The following MYOM2 variants were observed in gnomAD, a reference collection of about 807,000 sequenced individuals.
The protein encoded by MYOM2 is myomesin-2.
In MYOM2, 254 loss-of-function variants were observed where a neutral mutation model predicts 187.6. The observed-to-expected ratio is 1.35, with a 90% CI of 1.22 to 1.50. The LOEUF (loss-of-function observed/expected upper bound fraction) is 1.50, where lower values mean the gene tolerates loss of function less well. MYOM2 is among the 40% of genes most tolerant of loss of function. The probability of loss-of-function intolerance (pLI) is 0.00; values close to 1 mark genes in which losing one functional copy is unlikely to be tolerated. For synonymous variants in MYOM2, 981 were observed against 753.8 expected (o/e 1.30, Z -4.94); for missense variants, 2,796 against 1,924.0 (o/e 1.45, Z -8.48).
rs1310400295 is a variant in MYOM2 at position 2,057,768 on chromosome 8, C to T, written c.548C>T (p.Pro183Leu). 6 of 1,613,928 alleles carry T rather than the reference C, an allele frequency of 3.7e-6. No individual in the cohort carries two copies. The highest frequency in any genetic ancestry group is 5.1e-6 in the Non-Finnish European group (6 of 1,179,996). Reference protein sequence around the residue: ...LCFTVQGFPTPVVQWYKDGSL... With the variant: ...LCFTVQGFPTLVVQWYKDGSL... ...TTCACCGTGCAAGGATTTCCCACGC[C>T]CGTGGTGCAGTGGTGAGGGGCTCTG... Residue 183 changes from proline to leucine, a missense_variant, in exon 5 of 37, where the codon CCC becomes CTC. Pro to Leu is a moderately conservative substitution (Grantham distance 98, BLOSUM62 -3). Coordinates refer to ENST00000262113, the MANE Select transcript of MYOM2 (RefSeq NM_003970.4).
In MYOM2 at chr8:2,057,432, C is replaced by G. The variant is rs1398263195; in HGVS notation, c.348C>G (p.His116Gln). 5 of 1,613,906 alleles carry G rather than the reference C, an allele frequency of 3.1e-6. No individual in the cohort carries two copies. The highest frequency in any genetic ancestry group is 4.2e-6 in the Non-Finnish European group (5 of 1,180,000). The change falls in exon 4 of 37, where the codon CAC becomes CAG. Residue 116 changes from histidine (H) to glutamine (Q), a missense_variant. By Grantham distance (24) the His-to-Gln change is conservative. Transcript: ENST00000262113. Reference sequence around the variant, plus strand: ...TGGCCCACTTGGAGGAGGATGTCCACCTGGCACGCTCCCAGGCCCGCGACA... The same window carrying G: ...TGGCCCACTTGGAGGAGGATGTCCAGCTGGCACGCTCCCAGGCCCGCGACA... ...SELAHLEEDV[H>Q]LARSQARDKL...
intron 6 of MYOM2, among the ~76,000 whole-genome samples, chr8:2,060,270 C>A (rs772097916): frequency 1.3e-5 from 2 of 152,126 alleles, no homozygotes; most frequent in African/African-American, 4.8e-5. Flanking sequence ...GCCAGAAGGC[C>A]ACATTTACCA....
In MYOM2 at chr8:2,076,223, G is replaced by A; in HGVS notation, c.1203G>A (p.Val401=). Residue 401 remains valine, a synonymous_variant, in exon 11 of 37, where the codon GTG becomes GTA. Transcript: ENST00000262113. ...CHDANRDYVI[V]TWKPPNTTTE... ...ACGCCAACCGGGACTACGTCATCGTGACCTGGAAGCCGCCCAACACCACCA... is the reference window on the plus strand; with the variant it reads ...ACGCCAACCGGGACTACGTCATCGTAACCTGGAAGCCGCCCAACACCACCA... The A allele has an allele frequency of 6.2e-7, 1 of 1,613,662 alleles. No individual in the cohort carries two copies. Among genetic ancestry groups the A allele is most frequent in the African/African-American group, 1.3e-5 (1 of 75,040 alleles).
intron 35 of MYOM2, among the ~76,000 whole-genome samples, chr8:2,143,192 C>T (rs1798337314): frequency 6.6e-6 from 1 of 152,188 alleles, no homozygotes; most frequent in Non-Finnish European, 1.5e-5. Flanking sequence ...AACCCCTTCA[C>T]AGAGTCTGTT....
intron 6 of MYOM2, among the ~76,000 whole-genome samples, chr8:2,065,807 G>A (rs990935097): frequency 6.6e-6 from 1 of 152,244 alleles, no homozygotes; most frequent in African/African-American, 2.4e-5. Flanking sequence ...CATGAGTTAA[G>A]TGGCTGCGTA....
chr8:2,091,647 G>A (rs1796307060), intron 15 of MYOM2, among the ~76,000 whole-genome samples: 1 of 152,212 alleles, frequency 6.6e-6, no homozygotes, highest in South Asian at 2.1e-4. Flanking sequence ...GCATCCTCAA[G>A]TTTCTATCTG....
intron 1 of MYOM2, among the ~76,000 whole-genome samples, chr8:2,050,347 C>T (rs989843335): frequency 7.2e-5 from 11 of 152,184 alleles, no homozygotes; most frequent in African/African-American, 1.2e-4. Context: ...CTACCTGCCC[C>T]GGGCTCTTGG....
intron 25 of MYOM2, among the ~76,000 whole-genome samples, chr8:2,114,445 G>C (rs193202960): frequency 5.9e-5 from 9 of 152,176 alleles, no homozygotes; most frequent in African/African-American, 2.2e-4. Context: ...TTGTGGTTTG[G>C]TTGTATGCAT....
At chr8:2,051,574 G>C (rs765170622) in intron 2 of MYOM2, among the ~76,000 whole-genome samples, 29 of 152,208 alleles carry the variant, frequency 1.9e-4, no homozygotes, top group Non-Finnish European at 3.2e-4. Context: ...CTTTTATTTA[G>C]TTGCCATCCC....
intron 18 of MYOM2, chr8:2,097,922 G>C (rs62478397): frequency 0.054 from 8,197 of 152,288 alleles, 310 homozygotes; most frequent in South Asian, 0.08. Context: ...CCCTCCTGTT[G>C]CTGCTGGAAC....
chr8:2,106,453 G>T (rs569071586), intron 22 of MYOM2, 38 bp from the exon 23 acceptor site: 1 of 1,610,110 alleles, frequency 6.2e-7, no homozygotes, highest in African/African-American at 1.3e-5. Flanking sequence ...CCTGCAAACA[G>T]AAATGATCGA....
At chr8:2,126,605 C>G (rs1056849008) in intron 31 of MYOM2, among the ~76,000 whole-genome samples, 1 of 152,080 alleles carries the variant, frequency 6.6e-6, no homozygotes, top group Admixed American at 6.5e-5. Context: ...CACAGGAGCC[C>G]TGGGAGGCTG....
chr8:2,112,717 A>C (rs1797108170), intron 25 of MYOM2, among the ~76,000 whole-genome samples: 1 of 152,268 alleles, frequency 6.6e-6, no homozygotes, highest in Non-Finnish European at 1.5e-5. Context: ...TGGCATTTGC[A>C]ATATCAAAAC....
rs114701319 is a variant in MYOM2, at chr8:2,073,423, A to G, written c.1043A>G (p.Asp348Gly). ...CTGTCCTTCAGCCACCTGCACAAGG[A>G]CGACGAGGGCCTGTACACCCTGCGC... is the stretch of plus-strand genomic sequence containing the variant. ...ASLSFSHLHKDDEGLYTLRIV... is the reference protein window; with the variant it reads ...ASLSFSHLHKGDEGLYTLRIV... Residue 348 changes from aspartate (D) to glycine (G), a missense_variant, in exon 10 of 37, where the codon GAC (aspartate) becomes GGC (glycine). Asp to Gly is a moderately conservative substitution (Grantham distance 94). Transcript: ENST00000262113. 2 of 1,612,966 alleles carry G rather than the reference A, an allele frequency of 1.2e-6. No individual in the cohort carries two copies. The highest frequency in any genetic ancestry group is 1.7e-6 in the Non-Finnish European group (2 of 1,179,836).
chr8:2,083,644 C>T (rs1259528014), intron 13 of MYOM2, among the ~76,000 whole-genome samples: 1 of 152,206 alleles, frequency 6.6e-6, no homozygotes, highest in African/African-American at 2.4e-5. Context: ...GCTCCCCTCT[C>T]AGGGCAGGGT....
intron 6 of MYOM2, among the ~76,000 whole-genome samples, chr8:2,065,631 C>T (rs763199430): frequency 2.6e-5 from 4 of 152,116 alleles, no homozygotes; most frequent in Non-Finnish European, 4.4e-5. Context: ...CTTCTTATTG[C>T]CCAGTGTTTC....
chr8:2,049,038 G>T (rs756565861), intron 1 of MYOM2, among the ~76,000 whole-genome samples: 3 of 151,986 alleles, frequency 2.0e-5, no homozygotes, highest in Non-Finnish European at 4.4e-5. Flanking sequence ...TGATCCACCC[G>T]CCTTGGCCTC....
rs1209158905 is a variant in MYOM2, at chr8:2,144,959, C to G, written c.4376C>G (p.Ser1459Cys). The G allele has an allele frequency of 6.2e-7, 1 of 1,614,020 alleles. No homozygotes were observed. The highest frequency in any genetic ancestry group is 1.3e-5 in the African/African-American group (1 of 74,932). The change falls in exon 37 of 37, where the codon TCT (serine) becomes TGT (cysteine). Residue 1459 changes from serine (S) to cysteine (C), a missense_variant. Ser to Cys is a moderately radical substitution (Grantham distance 112). Coordinates refer to ENST00000262113, the MANE Select transcript of MYOM2 (RefSeq NM_003970.4). ...QQAKPKLIPASASAAGQ is the reference protein window; with the variant it reads ...QQAKPKLIPACASAAGQ ...GCCAAGCCCAAGCTCATCCCCGCGT[C>G]TGCCTCAGCGGCAGGCCAGTGAAGG...
Position 2,052,196 on chromosome 8 carries a change from GTCA to G in MYOM2, c.147_149del (p.Ser49_Gln50delinsArg). 2 of 1,613,526 alleles carry G rather than the reference GTCA, an allele frequency of 1.2e-6. No homozygotes were observed. The highest frequency in any genetic ancestry group is 1.7e-6 in the Non-Finnish European group (2 of 1,179,786). ...CAGGCATCTTCCCAGAAGTCCTTGAGTCAGCGGTCGTCTTCACAGAGAGCCTCC... is the reference window on the plus strand; with the variant it reads ...CAGGCATCTTCCCAGAAGTCCTTGAGGCGGTCGTCTTCACAGAGAGCCTCC... On this transcript the variant is annotated inframe_deletion, in exon 3 of 37. Transcript: ENST00000262113.
Sources: gnomAD v4.1 joint callset for allele counts (sites outside exome capture counted in the v4.1 genomes callset) on GRCh38, gnomAD v4.1.1 for gene constraint, MANE v1.5 for transcripts, NCBI Gene and HGNC (gene_info 2026-07-23, HGNC 2026-07-21) for gene names.